PARN: variants seen among roughly 807,000 people sequenced by gnomAD.
PARN encodes the protein poly(A)-specific ribonuclease PARN.
Under a neutral mutation model 102.8 loss-of-function variants are expected in PARN, and 71 were observed. The observed-to-expected ratio is 0.69, with a 90% CI of 0.57 to 0.84. The LOEUF is 0.84. PARN is among the 40% of genes least tolerant of loss of function. PARN has a pLI of 0.00. For synonymous variants in PARN, 261 were observed against 252.9 expected (o/e 1.03, Z -0.30); for missense variants, 782 against 760.9 (o/e 1.03, Z -0.33).
intron 21 of PARN, among the ~76,000 whole-genome samples, 197 bp downstream of exon 21, chr16:14,551,824 A>C (rs1225965520): frequency 6.6e-6 from 1 of 152,266 alleles, no homozygotes; most frequent in Non-Finnish European, 1.5e-5. Flanking sequence ...CTAATGAATC[A>C]AAAGAGATTT....
In PARN at chr16:14,608,252, G is replaced by T. The variant is rs955812307; in HGVS notation, c.659+29C>A. 6 of 1,479,980 alleles carry T rather than the reference G, an allele frequency of 4.1e-6. No homozygotes were observed. The East Asian group carries it at 9.9e-5, about 24-fold the overall frequency. 91.7% of individuals were successfully genotyped at this position (1,479,980 alleles called of 1,614,324 possible). ...GTCTTTAAATCCTGGGTCCCCCACA[G>T]AGCTGCTGCATACAATATAAATACT... On this transcript the variant is annotated intron_variant, in intron 9 of 23. Transcript: ENST00000437198.
chr16:14,549,549 G>C (rs1299112877), intron 21 of PARN, among the ~76,000 whole-genome samples: 2 of 152,278 alleles, frequency 1.3e-5, no homozygotes, highest in Non-Finnish European at 2.9e-5. Context: ...ACTGTTTTAA[G>C]AATTGTCCAG....
rs1016938275 is a variant in PARN, at chr16:14,584,665, C to T, written c.1005+84G>A. The stretch of plus-strand genomic sequence containing the variant: ...ACAGATGCATTAAATACCTCCAAAC[C>T]TTTTGCCAGAAGGCTATATTGTTCT... On this transcript the variant is annotated intron_variant, in intron 15 of 23. Transcript: ENST00000437198. 8.1e-6 allele frequency: 8 copies of T among 992,734 alleles called. No individual in the cohort carries two copies. In the African/African-American group the frequency reaches 1.3e-4, roughly 16 times the overall value. The allele number at this position is 992,734 out of a possible 1,614,324, so 61.5% of individuals were successfully genotyped here. A position where few individuals can be genotyped will look rare whatever the true frequency, so the allele number is the denominator to read the frequency against.
At chr16:14,499,912 T>C (rs998017716) in intron 21 of PARN, among the ~76,000 whole-genome samples, 2 of 152,208 alleles carry the variant, frequency 1.3e-5, no homozygotes, top group African/African-American at 4.8e-5. Flanking sequence ...TGCCAAAGTA[T>C]TTTTGAATAT....
chr16:14,535,107 T>A (rs924355385), intron 21 of PARN, among the ~76,000 whole-genome samples: 1 of 152,206 alleles, frequency 6.6e-6, no homozygotes, highest in African/African-American at 2.4e-5. Flanking sequence ...GTGCTGGGAT[T>A]CCAGGCGTGA....
At chr16:14,526,102 G>GC (rs1020970686) in intron 21 of PARN, among the ~76,000 whole-genome samples, 2 of 151,526 alleles carry the variant, frequency 1.3e-5, no homozygotes, top group African/African-American at 4.9e-5. Flanking sequence ...ACAGGCATGA[G>GC]CCACCACCTA....
intron 18 of PARN, chr16:14,578,630 T>C (rs12927927): frequency 0.089 from 13,414 of 151,526 alleles, 740 homozygotes; most frequent in East Asian, 0.23. Context: ...CACTCCAGCC[T>C]GGGCAACAAG....
At chr16:14,510,215 T>C (rs1172340376) in intron 21 of PARN, among the ~76,000 whole-genome samples, 1 of 152,072 alleles carries the variant, frequency 6.6e-6, no homozygotes, top group African/African-American at 2.4e-5. Flanking sequence ...AAAAGGAAAA[T>C]GTCAGGGTCG....
At chr16:14,508,982 T>A (rs899257196) in intron 21 of PARN, among the ~76,000 whole-genome samples, 3 of 151,238 alleles carry the variant, frequency 2.0e-5, no homozygotes, top group Admixed American at 6.6e-5. Flanking sequence ...GGTAAAAAAA[T>A]TTTTTAAAAG....
At chr16:14,558,435 T>C (rs1967843460) in intron 18 of PARN, 1 of 152,098 alleles carries the variant, frequency 6.6e-6, no homozygotes, top group Non-Finnish European at 1.5e-5. Context: ...GAGGCAGAAG[T>C]TGCAGTGAGT....
intron 21 of PARN, among the ~76,000 whole-genome samples, chr16:14,519,588 G>A (rs984252060): frequency 7.2e-5 from 11 of 152,166 alleles, no homozygotes; most frequent in Non-Finnish European, 1.5e-4. Flanking sequence ...AGAATTCATC[G>A]GCCAACCTCA....
intron 5 of PARN, among the ~76,000 whole-genome samples, chr16:14,620,967 C>T (rs1481013717): frequency 3.3e-5 from 5 of 152,062 alleles, no homozygotes; most frequent in South Asian, 2.1e-4. Context: ...AGGTAAATAC[C>T]GTATATATCT....
chr16:14,534,721 GA>G (rs1320869568), intron 21 of PARN, among the ~76,000 whole-genome samples: 1 of 152,068 alleles, frequency 6.6e-6, no homozygotes, highest in African/African-American at 2.4e-5. Flanking sequence ...GATGCAATTT[GA>G]AAACAAGTTT....
chr16:14,528,107 A>G (rs530336349), intron 21 of PARN, among the ~76,000 whole-genome samples: 1 of 152,348 alleles, frequency 6.6e-6, no homozygotes, highest in Admixed American at 6.5e-5. Context: ...CCATGCCCAA[A>G]CCAGCTGCTC....
chr16:14,572,893 C>CT (rs756874245), intron 18 of PARN, among the ~76,000 whole-genome samples: 324 of 144,890 alleles, frequency 2.2e-3, no homozygotes, highest in Admixed American at 2.8e-3. Flanking sequence ...TGTATTTTTT[C>CT]TTTTTTTTTT....
In PARN at chr16:14,629,764, G is replaced by C. The variant is rs773232238; in HGVS notation, c.20-90C>G. On this transcript the variant is annotated intron_variant, in intron 1 of 23. Transcript: ENST00000437198. Reference sequence around the variant, plus strand: ...GGAGGGCCGAGGAGCTCCCGAGGCTGAGAGCCGGAAGGGGAAAAGTCCCGG... The same window carrying C: ...GGAGGGCCGAGGAGCTCCCGAGGCTCAGAGCCGGAAGGGGAAAAGTCCCGG... 33 of 992,760 alleles carry C rather than the reference G, an allele frequency of 3.3e-5. 1 individual carries two copies. In the Middle Eastern group the frequency reaches 8.5e-4, roughly 26 times the overall value. 61.5% of individuals were successfully genotyped at this position (992,760 alleles called of 1,614,324 possible). A position where few individuals can be genotyped will look rare whatever the true frequency, so the allele number is the denominator to read the frequency against.
At chr16:14,535,234 C>A (rs973168476) in intron 21 of PARN, among the ~76,000 whole-genome samples, 4 of 152,156 alleles carry the variant, frequency 2.6e-5, no homozygotes, top group Non-Finnish European at 4.4e-5. Flanking sequence ...TGTGGGTAAA[C>A]CCCTGGTCTG....
chr16:14,482,913 G>A (rs1963463016), intron 21 of PARN, 86 bp from the exon 22 acceptor site: 5 of 1,141,258 alleles, frequency 4.4e-6, no homozygotes, highest in Non-Finnish European at 3.6e-6. Context: ...GGCCTAAGGT[G>A]GTCAAAGGAG....
intron 23 of PARN, among the ~76,000 whole-genome samples, chr16:14,439,694 C>T (rs1244728963): frequency 6.6e-6 from 1 of 152,058 alleles, no homozygotes; most frequent in Non-Finnish European, 1.5e-5. Context: ...AAATTTAAAA[C>T]TACTACTCTT....
Sources: gnomAD v4.1 joint callset for allele counts (sites outside exome capture counted in the v4.1 genomes callset) on GRCh38, gnomAD v4.1.1 for gene constraint, MANE v1.5 for transcripts, NCBI Gene and HGNC (gene_info 2026-07-23, HGNC 2026-07-21) for gene names.